CCDC126: variants seen among roughly 807,000 people sequenced by gnomAD.
CCDC126 encodes coiled-coil domain-containing protein 126.
CCDC126 carries 5 observed loss-of-function variants against 11.7 expected under a neutral mutation model. The observed-to-expected ratio is 0.43, with a 90% CI of 0.22 to 0.90. The LOEUF (loss-of-function observed/expected upper bound fraction) is 0.90, where lower values mean the gene tolerates loss of function less well. Ranked by LOEUF, CCDC126 falls within the 40% of genes least tolerant of loss-of-function variation. The pLI is 0.27. For synonymous variants in CCDC126, 60 were observed against 61.9 expected (o/e 0.97, Z 0.14); for missense variants, 150 against 163.1 (o/e 0.92, Z 0.44).
chr7:23,605,516 C>T (rs1782609369), intron 2 of CCDC126, among the ~76,000 whole-genome samples: 1 of 152,004 alleles, frequency 6.6e-6, no homozygotes, highest in Non-Finnish European at 1.5e-5. Context: ...TAAGTACGTT[C>T]ACATCATCAT....
At chr7:23,637,184 G>C (rs1455183583) in intron 3 of CCDC126, among the ~76,000 whole-genome samples, 1 of 56,416 alleles carries the variant, frequency 1.8e-5, no homozygotes, top group Non-Finnish European at 3.5e-5. Flanking sequence ...CCGGCCAGCC[G>C]CCCCGTCCGG....
intron 3 of CCDC126, among the ~76,000 whole-genome samples, chr7:23,614,677 C>T (rs1255936538): frequency 6.6e-6 from 1 of 152,148 alleles, no homozygotes; most frequent in Non-Finnish European, 1.5e-5. Context: ...TATCGATGGG[C>T]AGGAGAATGG....
At chr7:23,641,496 G>A (rs1284027838) in intron 3 of CCDC126, among the ~76,000 whole-genome samples, 2 of 152,144 alleles carry the variant, frequency 1.3e-5, no homozygotes, top group Non-Finnish European at 2.9e-5. Flanking sequence ...ATGCACAAAA[G>A]TTTTAAATAT....
chr7:23,640,992 GTTTTTTTT>G (rs70954400), intron 3 of CCDC126, among the ~76,000 whole-genome samples: 2 of 123,234 alleles, frequency 1.6e-5, no homozygotes, highest in Non-Finnish European at 3.3e-5. Context: ...AATCCTTTTG[GTTTTTTTT>G]TTTTTTTTTT....
chr7:23,625,800 C>T (rs973603592), intron 3 of CCDC126, among the ~76,000 whole-genome samples: 44 of 151,650 alleles, frequency 2.9e-4, no homozygotes, highest in African/African-American at 6.5e-4. Context: ...GGACTACAGG[C>T]GCCCGCCACC....
At position 23,611,431 on chromosome 7, in the gene CCDC126, A is replaced by T. The variant is rs747953076; in HGVS notation, c.116A>T (p.His39Leu). The T allele has an allele frequency of 8.0e-5, 129 of 1,613,992 alleles. 1 individual carries two copies. In the East Asian group the frequency reaches 2.8e-3, roughly 35 times the overall value. The part of the protein sequence containing the change: ...LLHYTFQQPR[H>L]QSSVKLREQI... ...CACTATACTTTTCAACAACCAAGAC[A>T]TCAAAGCAGTGTCAAGTTACGTGAG... Residue 39 changes from histidine (H) to leucine (L), a missense_variant, in exon 3 of 4, where the codon CAT (histidine) becomes CTT (leucine). By Grantham distance (99) the His-to-Leu change is moderately conservative. Coordinates refer to ENST00000307471, the MANE Select transcript of CCDC126 (RefSeq NM_138771.4).
chr7:23,607,413 GTTC>G (rs1434729816), intron 2 of CCDC126, among the ~76,000 whole-genome samples: 2 of 152,162 alleles, frequency 1.3e-5, no homozygotes, highest in Non-Finnish European at 2.9e-5. Flanking sequence ...CAAAGTGCAA[GTTC>G]TTCTGTTATT....
intron 3 of CCDC126, among the ~76,000 whole-genome samples, chr7:23,623,427 T>C (rs1272049700): frequency 1.3e-5 from 2 of 152,042 alleles, no homozygotes; most frequent in Non-Finnish European, 2.9e-5. Context: ...CGAAACCCCA[T>C]CTGTACTAAG....
At chr7:23,599,114 C>T (rs940393177) in intron 2 of CCDC126, among the ~76,000 whole-genome samples, 16 of 152,188 alleles carry the variant, frequency 1.1e-4, no homozygotes, top group African/African-American at 3.4e-4. Context: ...ATAAGAATCT[C>T]TACCAGCCAG....
At position 23,644,203 on chromosome 7, in the gene CCDC126, C is replaced by T. The variant is rs1192156533; in HGVS notation, c.*1088C>T. Reference sequence around the variant, plus strand: ...ATATAATGGCCACTTAAAATAAGAACATTTAAAATATAAACTATGAAGATT... The same window carrying T: ...ATATAATGGCCACTTAAAATAAGAATATTTAAAATATAAACTATGAAGATT... On this transcript the variant is annotated 3_prime_UTR_variant, in exon 4 of 4. Coordinates refer to ENST00000307471, the MANE Select transcript of CCDC126 (RefSeq NM_138771.4). 3.9e-5 allele frequency: 6 copies of T among 152,024 alleles called. No individual in the cohort carries two copies. Among genetic ancestry groups the T allele is most frequent in the Admixed American group, 3.3e-4 (5 of 15,264 alleles). 9.4% of individuals were successfully genotyped at this position (152,024 alleles called of 1,614,324 possible).
chr7:23,623,521 A>C (rs1220395588), intron 3 of CCDC126, among the ~76,000 whole-genome samples: 1 of 151,626 alleles, frequency 6.6e-6, no homozygotes, highest in East Asian at 1.9e-4. Context: ...ACTTGAACCC[A>C]GAAGGCAGAG....
intron 2 of CCDC126, among the ~76,000 whole-genome samples, chr7:23,599,971 G>A (rs1252192060): frequency 6.6e-6 from 1 of 152,100 alleles, no homozygotes; most frequent in Non-Finnish European, 1.5e-5. Context: ...TTTTAGTAGA[G>A]ATGGGGTTTC....
rs1046272792 is a variant in CCDC126 at position 23,626,274 on chromosome 7, C to T, written c.238+14721C>T. 6.6e-5 allele frequency among the ~76,000 whole-genome samples: 10 copies of T among 152,024 alleles called. 1 individual carries two copies. In the South Asian group the frequency reaches 8.3e-4, roughly 13 times the overall value. ...CTAGTTTCATTATTTGAATTTCTTC[C>T]TTGGCTCCATTAATTTGAAATAGGA... On this transcript the variant is annotated intron_variant, in intron 3 of 3. Coordinates refer to ENST00000307471, the MANE Select transcript of CCDC126 (RefSeq NM_138771.4).
chr7:23,620,993 A>G (rs1311781477), intron 3 of CCDC126, among the ~76,000 whole-genome samples: 1 of 152,232 alleles, frequency 6.6e-6, no homozygotes, highest in Admixed American at 6.5e-5. Context: ...CTTGTAGTAT[A>G]GTTTGAAGTC....
chr7:23,636,739 G>T lies in CCDC126; in HGVS notation c.239-6192G>T, dbSNP rs1217958080. Among the ~76,000 whole-genome samples, 3 of 148,298 alleles carry T rather than the reference G, an allele frequency of 2.0e-5. No homozygotes were observed. The East Asian group carries it at 6.1e-4, about 30-fold the overall frequency. The stretch of plus-strand genomic sequence containing the variant: ...CGTCTGGAAAGTGAGGAGCGTCTCC[G>T]CCCGGCAGCCACCCCGTCCGGGAGG... On this transcript the variant is annotated intron_variant, in intron 3 of 3. Transcript: ENST00000307471.
chr7:23,599,508 GTTT>G (rs879596778), intron 2 of CCDC126, among the ~76,000 whole-genome samples: 1 of 144,088 alleles, frequency 6.9e-6, no homozygotes, highest in Non-Finnish European at 1.5e-5. Context: ...AGGTTTTGTT[GTTT>G]TTTTTTTTTG....
At chr7:23,631,278 A>G (rs1419274699) in intron 3 of CCDC126, among the ~76,000 whole-genome samples, 9 of 152,220 alleles carry the variant, frequency 5.9e-5, no homozygotes, top group Non-Finnish European at 8.8e-5. Flanking sequence ...AAGAAAAAAG[A>G]CATAAATTAC....
rs1355766725 is a variant in CCDC126, at chr7:23,603,411, A to G, written c.-146+5360A>G. On this transcript the variant is annotated intron_variant, in intron 2 of 3. Transcript: ENST00000307471. The stretch of plus-strand genomic sequence containing the variant: ...TTTCTGGTTACATTCTTTTAAAGCA[A>G]AAAAGAACAAAACTTCATTTAATAC... Among the ~76,000 whole-genome samples the G allele has an allele frequency of 2.0e-5, 3 of 152,214 alleles. No individual in the cohort carries two copies. In the East Asian group the frequency reaches 5.8e-4, roughly 29 times the overall value.
At chr7:23,625,270 A>T (rs536854084) in intron 3 of CCDC126, among the ~76,000 whole-genome samples, 10 of 152,244 alleles carry the variant, frequency 6.6e-5, no homozygotes, top group African/African-American at 2.2e-4. Context: ...ATGTGTGTGT[A>T]TATGTATTTC....
Sources: gnomAD v4.1 joint callset for allele counts (sites outside exome capture counted in the v4.1 genomes callset) on GRCh38, gnomAD v4.1.1 for gene constraint, MANE v1.5 for transcripts, NCBI Gene and HGNC (gene_info 2026-07-23, HGNC 2026-07-21) for gene names.